KIRREL3: variants seen among roughly 807,000 people sequenced by gnomAD.
KIRREL3 encodes kin of IRRE-like protein 3.
Under a neutral mutation model 89.7 loss-of-function variants are expected in KIRREL3, and 36 were observed. That is an observed-to-expected ratio of 0.40 (90% CI 0.31 to 0.53). The LOEUF is 0.53. Ranked by LOEUF, KIRREL3 falls within the 20% of genes least tolerant of loss-of-function variation. KIRREL3 has a pLI of 0.49. For missense variants in KIRREL3, 864 were observed against 1,056.6 expected (o/e 0.82, Z 2.53); for synonymous variants, 445 against 441.4 (o/e 1.01, Z -0.10).
Position 126,435,318 on chromosome 11 carries a change from A to G in KIRREL3, c.1553-15T>C, listed in dbSNP as rs1269171235. 5 of 1,612,734 alleles carry G rather than the reference A, an allele frequency of 3.1e-6. No individual in the cohort carries two copies. Among genetic ancestry groups the G allele is most frequent in the Non-Finnish European group, 4.2e-6 (5 of 1,179,214 alleles). On this transcript the variant is annotated splice_polypyrimidine_tract_variant and intron_variant, in intron 12 of 16. Coordinates refer to ENST00000525144, the MANE Select transcript of KIRREL3 (RefSeq NM_032531.4). ...CATTTCCGAACCTGTTTGGAAATAA[A>G]GCAAGCGTCTACAGCCAGGGCCTGG...
At position 126,544,641 on chromosome 11, in the gene KIRREL3, C is replaced by A. The variant is rs116527723; in HGVS notation, c.134-17954G>T. Among the ~76,000 whole-genome samples the A allele has an allele frequency of 2.7e-3, 407 of 152,216 alleles. 3 individuals are homozygous for A. Among genetic ancestry groups the A allele is most frequent in the African/African-American group, 9.3e-3 (388 of 41,524 alleles). ...GTCCTGGGGGCTCCATGCAGGACAG[C>A]AAATGGGCCCTGTCATTTATTTACT... is the stretch of plus-strand genomic sequence containing the variant. On this transcript the variant is annotated intron_variant, in intron 2 of 16. Coordinates refer to ENST00000525144, the MANE Select transcript of KIRREL3 (RefSeq NM_032531.4). This position sits in a 1 kb window ranked among gnomAD's most constrained non-coding sequence, Gnocchi z 5.6.
chr11:126,444,213 C>T (rs1714578380), intron 10 of KIRREL3, among the ~76,000 whole-genome samples: 1 of 152,194 alleles, frequency 6.6e-6, no homozygotes, highest in South Asian at 2.1e-4. Context: ...TATAATAAGA[C>T]ATGCCCCCTG....
intron 1 of KIRREL3, among the ~76,000 whole-genome samples, chr11:126,818,230 G>A (rs112230140): frequency 0.013 from 2,055 of 152,306 alleles, 48 homozygotes; most frequent in African/African-American, 0.047. Flanking sequence ...GGAAAGGAAA[G>A]GCACAGATTA....
chr11:126,954,902 AACAT>A lies in KIRREL3; in HGVS notation c.55+45549_55+45552del, dbSNP rs1305689713. On this transcript the variant is annotated intron_variant, in intron 1 of 16. Transcript: ENST00000525144. The surrounding 1 kb of genome is among the most constrained non-coding windows in gnomAD (Gnocchi z 4.1). ...GAAAGCAGAAAGAAGACGCACCTCA[AACAT>A]ACTGTGTGGGCAACAACTCTGTCTC... is the stretch of plus-strand genomic sequence containing the variant. Among the ~76,000 whole-genome samples, 1 of 152,154 alleles carries A rather than the reference AACAT, an allele frequency of 6.6e-6. No individual in the cohort carries two copies. The highest frequency in any genetic ancestry group is 1.5e-5 in the Non-Finnish European group (1 of 68,014).
rs150052256 is a variant in KIRREL3 at position 126,609,379 on chromosome 11, C to A, written c.56-46467G>T. Among the ~76,000 whole-genome samples the A allele has an allele frequency of 2.6e-5, 4 of 152,278 alleles. No individual in the cohort carries two copies. The highest frequency in any genetic ancestry group is 4.4e-5 in the Non-Finnish European group (3 of 68,030). On this transcript the variant is annotated intron_variant, in intron 1 of 16. Coordinates refer to ENST00000525144, the MANE Select transcript of KIRREL3 (RefSeq NM_032531.4). This position sits in a 1 kb window ranked among gnomAD's most constrained non-coding sequence, Gnocchi z 5.0. ...GCATCTATTATTTATGATTTCCTTT[C>A]GTCTCTCCTGAGTATGACAACTGTG...
intron 1 of KIRREL3, among the ~76,000 whole-genome samples, chr11:126,662,485 A>G (rs996261856): frequency 1.3e-5 from 2 of 152,214 alleles, no homozygotes; most frequent in African/African-American, 4.8e-5. Flanking sequence ...TGCAAGATCT[A>G]GAGGCTGGCA....
At position 126,985,931 on chromosome 11, in the gene KIRREL3, C is replaced by A. The variant is rs962690244; in HGVS notation, c.55+14524G>T. Among the ~76,000 whole-genome samples the A allele has an allele frequency of 6.6e-6, 1 of 152,154 alleles. No individual in the cohort carries two copies. The highest frequency in any genetic ancestry group is 1.5e-5 in the Non-Finnish European group (1 of 68,026). On this transcript the variant is annotated intron_variant, in intron 1 of 16. Transcript: ENST00000525144. This position sits in a 1 kb window ranked among gnomAD's most constrained non-coding sequence, Gnocchi z 5.3. ...GCTGTTGTTTCTGGACACTATATAGCCTAGTGATCTCCTGAAGCCTAAAAT... is the reference window on the plus strand; with the variant it reads ...GCTGTTGTTTCTGGACACTATATAGACTAGTGATCTCCTGAAGCCTAAAAT...
At chr11:126,595,367 A>G (rs1942347413) in intron 1 of KIRREL3, among the ~76,000 whole-genome samples, 1 of 152,242 alleles carries the variant, frequency 6.6e-6, no homozygotes, top group Non-Finnish European at 1.5e-5. Flanking sequence ...AGTGGAGCCC[A>G]GCAGGCTAGT....
chr11:126,836,632 A>G (rs113180775), intron 1 of KIRREL3, among the ~76,000 whole-genome samples: 2,040 of 152,322 alleles, frequency 0.013, 46 homozygotes, highest in African/African-American at 0.047. Flanking sequence ...TGTTGTGCAT[A>G]TGACTTGTGG....
chr11:126,502,229 G>A (rs1332191726), intron 4 of KIRREL3, among the ~76,000 whole-genome samples: 1 of 152,088 alleles, frequency 6.6e-6, no homozygotes, highest in Non-Finnish European at 1.5e-5. Flanking sequence ...TCTCACCTTG[G>A]GCAGATCTCA....
At chr11:126,434,679 A>AG (rs929733831) in intron 13 of KIRREL3, among the ~76,000 whole-genome samples, 1 of 152,196 alleles carries the variant, frequency 6.6e-6, no homozygotes, top group African/African-American at 2.4e-5. Flanking sequence ...AACTCCGCCC[A>AG]GGGGGCCTGA....
chr11:126,809,598 C>T (rs1273024140), intron 1 of KIRREL3, among the ~76,000 whole-genome samples: 1 of 152,166 alleles, frequency 6.6e-6, no homozygotes, highest in Non-Finnish European at 1.5e-5. Flanking sequence ...TATTTGAGAG[C>T]TTTGTTTAAC....
At position 127,000,487 on chromosome 11, in the gene KIRREL3, A is replaced by G. The variant is rs371844929; in HGVS notation, c.23T>C (p.Leu8Pro). ...GAAGAGGAAGAAGCAGACGAAGAGC[A>G]GATCGAGCTGGAAGGGTTTCATTCC... MKPFQLD[L>P]LFVCFFLFSQ... The change falls in exon 1 of 17, where the codon CTG (leucine) becomes CCG (proline). Residue 8 changes from leucine to proline, a missense_variant. By Grantham distance (98) the Leu-to-Pro change is moderately conservative (BLOSUM62 -3). Transcript: ENST00000525144. The surrounding 1 kb of genome is among the most constrained non-coding windows in gnomAD (Gnocchi z 7.1). 1 of 1,608,516 alleles carries G rather than the reference A, an allele frequency of 6.2e-7. No individual in the cohort carries two copies. Among genetic ancestry groups the G allele is most frequent in the Non-Finnish European group, 8.5e-7 (1 of 1,177,490 alleles).
In KIRREL3 at chr11:126,519,917, C is replaced by T. The variant is rs1034443947; in HGVS notation, c.433+1398G>A. ...ATTACTCCTCGGAAGGCCCGCTTCC[C>T]GGCCATGGAATCCCAACTTATTTAC... On this transcript the variant is annotated intron_variant, in intron 4 of 16. Transcript: ENST00000525144. This position sits in a 1 kb window ranked among gnomAD's most constrained non-coding sequence, Gnocchi z 4.3. 7.2e-5 allele frequency among the ~76,000 whole-genome samples: 11 copies of T among 152,286 alleles called. No individual in the cohort carries two copies. The highest frequency in any genetic ancestry group is 1.9e-4 in the East Asian group (1 of 5,178).
chr11:126,893,733 C>A (rs1242465449), intron 1 of KIRREL3, among the ~76,000 whole-genome samples: 1 of 152,208 alleles, frequency 6.6e-6, no homozygotes, highest in East Asian at 1.9e-4. Flanking sequence ...TAAATTTGCT[C>A]CTTCCTGCTA....
chr11:126,884,467 T>C (rs765462228), intron 1 of KIRREL3, among the ~76,000 whole-genome samples: 14 of 152,178 alleles, frequency 9.2e-5, no homozygotes, highest in Non-Finnish European at 2.1e-4. Flanking sequence ...ACAGAGAGAA[T>C]TGCAAATCTA....
chr11:126,635,822 T>C lies in KIRREL3; in HGVS notation c.56-72910A>G, dbSNP rs375403876. Among the ~76,000 whole-genome samples the C allele has an allele frequency of 3.3e-5, 5 of 152,198 alleles. No homozygotes were observed. The East Asian group carries it at 9.6e-4, about 29-fold the overall frequency. On this transcript the variant is annotated intron_variant, in intron 1 of 16. Transcript: ENST00000525144. This position sits in a 1 kb window ranked among gnomAD's most constrained non-coding sequence, Gnocchi z 4.0. ...TAAAAATACCAGGTAAAAGGCAGAG[T>C]GTGTCCCATGAATGAGACACCCTGT...
Position 126,642,756 on chromosome 11 carries a change from A to G in KIRREL3, c.56-79844T>C, listed in dbSNP as rs1944518259. Among the ~76,000 whole-genome samples the G allele has an allele frequency of 6.6e-6, 1 of 152,216 alleles. No homozygotes were observed. Among genetic ancestry groups the G allele is most frequent in the Non-Finnish European group, 1.5e-5 (1 of 68,034 alleles). On this transcript the variant is annotated intron_variant, in intron 1 of 16. Transcript: ENST00000525144. The surrounding 1 kb of genome is among the most constrained non-coding windows in gnomAD (Gnocchi z 4.9). ...CACATAAGAACAGCCTTCTGGAGGC[A>G]GGGGGATGGATGAAAGAATGTCTTT... is the stretch of plus-strand genomic sequence containing the variant.
rs1941405367 is a variant in KIRREL3 at position 126,579,069 on chromosome 11, C to CT, written c.56-16158dup. On this transcript the variant is annotated intron_variant, in intron 1 of 16. Coordinates refer to ENST00000525144, the MANE Select transcript of KIRREL3 (RefSeq NM_032531.4). The surrounding 1 kb of genome is among the most constrained non-coding windows in gnomAD (Gnocchi z 5.3). ...AGCCCGTGCTCTGTCCGTGTGCTGCCTCCGAGAAGCCATGGCCAAGAAAGG... is the reference window on the plus strand; with the variant it reads ...AGCCCGTGCTCTGTCCGTGTGCTGCCTTCCGAGAAGCCATGGCCAAGAAAGG... Among the ~76,000 whole-genome samples the CT allele has an allele frequency of 6.6e-6, 1 of 152,070 alleles. No individual in the cohort carries two copies. The highest frequency in any genetic ancestry group is 2.1e-4 in the South Asian group (1 of 4,794).
Sources: gnomAD v4.1 joint callset for allele counts (sites outside exome capture counted in the v4.1 genomes callset) on GRCh38, gnomAD v4.1.1 for gene constraint, Gnocchi (gnomAD v3.1) non-coding constraint, MANE v1.5 for transcripts, NCBI Gene and HGNC (gene_info 2026-07-23, HGNC 2026-07-21) for gene names.